Variants in KCNH7 observed in about 807,000 individuals in gnomAD.
KCNH7 encodes the protein voltage-gated inwardly rectifying potassium channel KCNH7.
In KCNH7, 49 loss-of-function variants were observed where a neutral mutation model predicts 120.8. The ratio of observed to expected loss-of-function variants is 0.41; its 90% CI spans 0.32 to 0.51. The LOEUF (loss-of-function observed/expected upper bound fraction) is 0.51. Ranked by LOEUF, KCNH7 falls within the 20% of genes least tolerant of loss-of-function variation. The pLI is 0.38. For missense variants in KCNH7, 1,097 were observed against 1,446.6 expected, an observed-to-expected ratio of 0.76 and a Z score of 3.92; for synonymous variants, 547 against 516.1, an observed-to-expected ratio of 1.06 and a Z score of -0.81.
rs2105871436 is a variant in KCNH7 at position 162,557,816 on chromosome 2, T to C, written c.308-20736A>G. Among the ~76,000 whole-genome samples the C allele has an allele frequency of 2.0e-5, 3 of 152,276 alleles. No individual in the cohort carries two copies. In the Middle Eastern group the frequency reaches 0.01, roughly 518 times the overall value. On this transcript the variant is annotated intron_variant, in intron 2 of 15. Transcript: ENST00000332142. Reference sequence around the variant, plus strand: ...TTTTTCTGTCTCGGTTACTCTTTTATTTGATAGTTGCTGATTAAAGAACAG... The same window carrying C: ...TTTTTCTGTCTCGGTTACTCTTTTACTTGATAGTTGCTGATTAAAGAACAG...
At chr2:162,778,847 T>G (rs1683357643) in intron 2 of KCNH7, among the ~76,000 whole-genome samples, 1 of 152,184 alleles carries the variant, frequency 6.6e-6, no homozygotes, top group Non-Finnish European at 1.5e-5. Context: ...CTGACCTGTG[T>G]CTACTTACAG....
chr2:162,611,033 A>G (rs1192874248), intron 2 of KCNH7, among the ~76,000 whole-genome samples: 1 of 152,218 alleles, frequency 6.6e-6, no homozygotes, highest in Non-Finnish European at 1.5e-5. Flanking sequence ...AAGGTACAGC[A>G]TATGAGAGTA....
intron 6 of KCNH7, among the ~76,000 whole-genome samples, chr2:162,451,103 T>C (rs1688755600): frequency 2.0e-5 from 3 of 152,020 alleles, no homozygotes; most frequent in Admixed American, 2.0e-4. Flanking sequence ...CAGATACAAT[T>C]GTTCTGATAT....
At chr2:162,776,111 C>T (rs12692658) in intron 2 of KCNH7, among the ~76,000 whole-genome samples, 42,517 of 151,984 alleles carry the variant, frequency 0.28, 6,891 homozygotes, top group African/African-American at 0.45. Flanking sequence ...AAATAAGCTA[C>T]GAATATACCG....
chr2:162,705,062 A>C (rs1686649946), intron 2 of KCNH7, among the ~76,000 whole-genome samples: 1 of 152,102 alleles, frequency 6.6e-6, no homozygotes, highest in South Asian at 2.1e-4. Flanking sequence ...ATTTTTTACA[A>C]ACTTCAGCTA....
chr2:162,421,410 G>A (rs913472383), intron 9 of KCNH7, among the ~76,000 whole-genome samples: 1 of 152,158 alleles, frequency 6.6e-6, no homozygotes, highest in Non-Finnish European at 1.5e-5. Flanking sequence ...TAGAGGTCAA[G>A]TCATTGTTAA....
rs1266218958 is a variant in KCNH7, at chr2:162,373,587, TG to T, written c.3206del (p.Pro1069GlnfsTer6). On this transcript the variant is annotated frameshift_variant, in exon 15 of 16. Transcript: ENST00000332142. LOFTEE classifies it high-confidence loss of function. Reference sequence around the variant, plus strand: ...ATCCTGCTGTTACCATACTGTAGGCTGGGGGGACCACAGTGGTTTGTTTCTG... The same window carrying T: ...ATCCTGCTGTTACCATACTGTAGGCTGGGGGACCACAGTGGTTTGTTTCTG... ...LLQKQTTVVP[P>X]AYSMVTAGSE... The T allele has an allele frequency of 7.6e-6, 12 of 1,584,036 alleles. No individual in the cohort carries two copies. The highest frequency in any genetic ancestry group is 2.4e-5 in the East Asian group (1 of 42,308).
intron 4 of KCNH7, among the ~76,000 whole-genome samples, chr2:162,515,440 T>C (rs1453871106): frequency 1.3e-5 from 2 of 151,834 alleles, no homozygotes; most frequent in African/African-American, 2.4e-5. Context: ...GCTAAGTCAG[T>C]AAAATGCACT....
intron 3 of KCNH7, among the ~76,000 whole-genome samples, chr2:162,536,704 T>A (rs1301839045): frequency 1.3e-5 from 2 of 152,040 alleles, no homozygotes; most frequent in Non-Finnish European, 2.9e-5. Flanking sequence ...AGGGGACTGG[T>A]TAAATACATT....
At chr2:162,680,967 G>A (rs1685690746) in intron 2 of KCNH7, among the ~76,000 whole-genome samples, 1 of 151,604 alleles carries the variant, frequency 6.6e-6, no homozygotes, top group Admixed American at 6.6e-5. Context: ...ATATTGTTTT[G>A]TATATATAAA....
At chr2:162,469,787 G>A (rs13406089) in intron 6 of KCNH7, among the ~76,000 whole-genome samples, 45,900 of 151,210 alleles carry the variant, frequency 0.3, 7,903 homozygotes, top group East Asian at 0.72. Flanking sequence ...CCGCCATCTC[G>A]GCTCACTGCA....
At chr2:162,464,880 C>A (rs2105617399) in intron 6 of KCNH7, among the ~76,000 whole-genome samples, 1 of 152,018 alleles carries the variant, frequency 6.6e-6, no homozygotes, top group African/African-American at 2.4e-5. Context: ...AGTGGTGGTT[C>A]CCCAACCCTT....
intron 2 of KCNH7, among the ~76,000 whole-genome samples, chr2:162,695,229 G>A (rs1686249107): frequency 6.6e-6 from 1 of 152,020 alleles, no homozygotes; most frequent in African/African-American, 2.4e-5. Flanking sequence ...CGTATCGGTT[G>A]GGTTATCTAT....
At chr2:162,450,820 A>G (rs1573972812) in intron 6 of KCNH7, among the ~76,000 whole-genome samples, 2 of 152,142 alleles carry the variant, frequency 1.3e-5, no homozygotes, top group Admixed American at 1.3e-4. Context: ...TCAAGACCAG[A>G]TACTTAGAGA....
intron 3 of KCNH7, among the ~76,000 whole-genome samples, chr2:162,524,071 G>A (rs1691620215): frequency 6.6e-6 from 1 of 151,946 alleles, no homozygotes. Flanking sequence ...GGGGTGGTGG[G>A]AGGGTATCTT....
At chr2:162,762,458 A>G (rs1014501304) in intron 2 of KCNH7, among the ~76,000 whole-genome samples, 3 of 152,052 alleles carry the variant, frequency 2.0e-5, no homozygotes, top group Non-Finnish European at 4.4e-5. Flanking sequence ...CAGTGGGAAG[A>G]AAGACTATGG....
intron 6 of KCNH7, among the ~76,000 whole-genome samples, chr2:162,457,522 T>A (rs1047655012): frequency 1.3e-5 from 2 of 152,156 alleles, no homozygotes; most frequent in African/African-American, 4.8e-5. Context: ...AAGTGTTATA[T>A]AAAACCAAAA....
At chr2:162,511,183 G>T (rs75732605) in intron 5 of KCNH7, among the ~76,000 whole-genome samples, 2,183 of 151,716 alleles carry the variant, frequency 0.014, 47 homozygotes, top group East Asian at 0.095. Context: ...ATTGTTTTAT[G>T]ACACTAAAAT....
intron 2 of KCNH7, among the ~76,000 whole-genome samples, chr2:162,646,708 T>A (rs977975762): frequency 2.6e-5 from 4 of 152,128 alleles, no homozygotes; most frequent in Non-Finnish European, 5.9e-5. Context: ...TGTGGGTGAT[T>A]TCTAGGAGCA....
Sources: gnomAD v4.1 joint callset for allele counts (sites outside exome capture counted in the v4.1 genomes callset) on GRCh38, gnomAD v4.1.1 for gene constraint, MANE v1.5 for transcripts, NCBI Gene and HGNC (gene_info 2026-07-23, HGNC 2026-07-21) for gene names.